Variants in IMMP2L observed in about 807,000 individuals in gnomAD.
IMMP2L encodes the protein mitochondrial inner membrane protease subunit 2.
IMMP2L carries 18 observed loss-of-function variants against 19.3 expected under a neutral mutation model. The ratio of observed to expected loss-of-function variants is 0.93; its 90% confidence interval spans 0.64 to 1.38. The LOEUF (loss-of-function observed/expected upper bound fraction) is 1.38, where lower values mean the gene tolerates loss of function less well. Among genes scored for constraint, IMMP2L ranks in the 40% most tolerant of loss-of-function variants. IMMP2L has a pLI of 0.00. For synonymous variants in IMMP2L, 76 were observed against 73.0 expected, an observed-to-expected ratio of 1.04 and a Z score of -0.21; for missense variants, 233 against 218.2, an observed-to-expected ratio of 1.07 and a Z score of -0.43.
At chr7:111,057,960 A>G (rs961683603) in intron 3 of IMMP2L, among the ~76,000 whole-genome samples, 11 of 152,148 alleles carry the variant, frequency 7.2e-5, no homozygotes, top group Non-Finnish European at 1.5e-5. Context: ...ATGTGTCTGT[A>G]TTATATGTAT....
At chr7:111,029,986 A>T (rs909614131) in intron 3 of IMMP2L, among the ~76,000 whole-genome samples, 1 of 152,154 alleles carries the variant, frequency 6.6e-6, no homozygotes, top group African/African-American at 2.4e-5. Context: ...AGAATCACAA[A>T]TCATAGAATC....
intron 1 of IMMP2L, among the ~76,000 whole-genome samples, chr7:111,543,826 A>C (rs892567826): frequency 6.6e-5 from 10 of 152,160 alleles, no homozygotes; most frequent in Non-Finnish European, 1.5e-4. Flanking sequence ...TGACTACTTT[A>C]AGTATTTCCA....
intron 5 of IMMP2L, among the ~76,000 whole-genome samples, chr7:110,742,488 G>T (rs562588849): frequency 6.6e-6 from 1 of 152,086 alleles, no homozygotes; most frequent in Admixed American, 6.5e-5. Context: ...ACTTTCAACC[G>T]CTGGGCATGG....
chr7:111,514,614 G>A (rs1465831213), intron 2 of IMMP2L, among the ~76,000 whole-genome samples: 2 of 151,704 alleles, frequency 1.3e-5, no homozygotes, highest in Admixed American at 1.3e-4. Flanking sequence ...ACTTACAATG[G>A]GTAAATTCAA....
chr7:111,181,513 T>C (rs543599744), intron 3 of IMMP2L, among the ~76,000 whole-genome samples: 39 of 151,970 alleles, frequency 2.6e-4, no homozygotes, highest in Non-Finnish European at 1.3e-4. Flanking sequence ...GCACCCAGCT[T>C]GATGGAGAAG....
At chr7:111,212,071 T>C (rs1811380522) in intron 3 of IMMP2L, among the ~76,000 whole-genome samples, 1 of 152,074 alleles carries the variant, frequency 6.6e-6, no homozygotes, top group South Asian at 2.1e-4. Context: ...GAAACTAAGG[T>C]AATCATTAAA....
At position 110,769,827 on chromosome 7, in the gene IMMP2L, G is replaced by A. The variant is rs988910100; in HGVS notation, c.409-106106C>T. ...CCAATAAGTGAGTGAAGTCAGCCCC[G>A]GATTTGAATCAATTTCTTCTACTGT... On this transcript the variant is annotated intron_variant, in intron 5 of 5. Coordinates refer to ENST00000405709, the MANE Select transcript of IMMP2L (RefSeq NM_032549.4). Among the ~76,000 whole-genome samples, 3 of 152,116 alleles carry A rather than the reference G, an allele frequency of 2.0e-5. No individual in the cohort carries two copies. In the South Asian group the frequency reaches 6.2e-4, roughly 32 times the overall value.
chr7:111,195,845 T>TTCATTTCATTTCATTTTTGCTCTA (rs1809428498), intron 3 of IMMP2L, among the ~76,000 whole-genome samples: 1 of 151,718 alleles, frequency 6.6e-6, no homozygotes, highest in Non-Finnish European at 1.5e-5. Flanking sequence ...TTCATTTCAT[T>TTCATTTCATTTCATTTTTGCTCTA]TCATTTCATT....
intron 3 of IMMP2L, among the ~76,000 whole-genome samples, chr7:111,051,825 A>G (rs1793032413): frequency 6.6e-6 from 1 of 152,248 alleles, no homozygotes; most frequent in Non-Finnish European, 1.5e-5. Context: ...AGAATAGGTG[A>G]CAAGAACATT....
chr7:110,959,613 T>G (rs1818723647), intron 4 of IMMP2L, among the ~76,000 whole-genome samples: 1 of 151,916 alleles, frequency 6.6e-6, no homozygotes. Flanking sequence ...TTTAAAAACA[T>G]CAAATGCTGA....
At chr7:111,250,844 G>A (rs1170683588) in intron 3 of IMMP2L, among the ~76,000 whole-genome samples, 1 of 152,006 alleles carries the variant, frequency 6.6e-6, no homozygotes, top group Admixed American at 6.6e-5. Context: ...CATAGGCAAA[G>A]GCAAAGAGTT....
intron 4 of IMMP2L, among the ~76,000 whole-genome samples, chr7:110,915,744 C>T (rs1398556231): frequency 6.6e-6 from 1 of 152,034 alleles, no homozygotes; most frequent in Admixed American, 6.6e-5. Flanking sequence ...TTTGAATGTA[C>T]ATAACTTTTA....
At chr7:111,040,119 A>C (rs1791748788) in intron 3 of IMMP2L, among the ~76,000 whole-genome samples, 1 of 152,190 alleles carries the variant, frequency 6.6e-6, no homozygotes, top group Non-Finnish European at 1.5e-5. Flanking sequence ...CAGTGAGCGG[A>C]GATTGCGCCA....
chr7:111,368,730 A>G (rs1250746384), intron 3 of IMMP2L, among the ~76,000 whole-genome samples: 1 of 151,982 alleles, frequency 6.6e-6, no homozygotes. Flanking sequence ...AATCTGTAAA[A>G]TAAAATATAA....
chr7:111,557,424 C>T (rs1180843700), intron 1 of IMMP2L, among the ~76,000 whole-genome samples: 3 of 152,184 alleles, frequency 2.0e-5, no homozygotes, highest in African/African-American at 7.2e-5. Context: ...CCTTCACACT[C>T]TAATATAACT....
At chr7:111,184,752 C>T (rs895987780) in intron 3 of IMMP2L, among the ~76,000 whole-genome samples, 2 of 128,904 alleles carry the variant, frequency 1.6e-5, no homozygotes, top group Non-Finnish European at 3.3e-5. Context: ...TCAGAACTAC[C>T]CATAGATGTT....
chr7:111,506,084 TAGTG>T (rs1844869078), intron 2 of IMMP2L, among the ~76,000 whole-genome samples: 1 of 151,716 alleles, frequency 6.6e-6, no homozygotes. Flanking sequence ...CTGGGCAACA[TAGTG>T]AGACTGCCTC....
At chr7:111,125,284 T>G (rs918192446) in intron 3 of IMMP2L, 2 of 175,200 alleles carry the variant, frequency 1.1e-5, no homozygotes, top group African/African-American at 4.8e-5. Context: ...CACGAGTTTT[T>G]GCAGTGACCA....
chr7:110,890,771 A>C (rs921970563), intron 4 of IMMP2L, among the ~76,000 whole-genome samples: 1 of 152,196 alleles, frequency 6.6e-6, no homozygotes, highest in Non-Finnish European at 1.5e-5. Context: ...CATTTTTAGT[A>C]CTACCTTTAC....
Sources: gnomAD v4.1 joint callset for allele counts (sites outside exome capture counted in the v4.1 genomes callset) on GRCh38, gnomAD v4.1.1 for gene constraint, MANE v1.5 for transcripts, NCBI Gene and HGNC (gene_info 2026-07-23, HGNC 2026-07-21) for gene names.